ZNF585A: variants seen among roughly 807,000 people sequenced by gnomAD.
ZNF585A encodes the protein zinc finger protein 585A.
In ZNF585A, 9 loss-of-function variants were observed where a neutral mutation model predicts 14.9. The ratio of observed to expected loss-of-function variants is 0.60; its 90% CI spans 0.36 to 1.05. ZNF585A has a LOEUF of 1.05. Ranked by LOEUF, ZNF585A falls within the 50% of genes least tolerant of loss-of-function variation. The pLI, the probability that ZNF585A is intolerant of heterozygous loss-of-function variation, is 0.01. For missense variants in ZNF585A, 726 were observed against 926.4 expected, an observed-to-expected ratio of 0.78 and a Z score of 2.81; for synonymous variants, 276 against 319.9, an observed-to-expected ratio of 0.86 and a Z score of 1.46.
intron 4 of ZNF585A, among the ~76,000 whole-genome samples, chr19:37,154,744 A>G (rs1971895842): frequency 6.6e-6 from 1 of 151,756 alleles, no homozygotes; most frequent in African/African-American, 2.4e-5. Flanking sequence ...TCCTCTGCAG[A>G]AAACAAAAAG....
chr19:37,163,796 T>C (rs1224028576), intron 2 of ZNF585A, among the ~76,000 whole-genome samples: 1 of 151,522 alleles, frequency 6.6e-6, no homozygotes, highest in Non-Finnish European at 1.5e-5. Context: ...CCAAATTACA[T>C]GGAAGACACA....
chr19:37,152,466 C>T lies in ZNF585A; in HGVS notation c.1433G>A (p.Arg478Gln), dbSNP rs148806803. ...CNKCGKAFTN[R>Q]SNLITHQKTH... ...TTTCTGATGTGTAATGAGATTTGAC[C>T]GGTTGGTGAATGCCTTCCCACATTT... Residue 478 changes from arginine to glutamine, a missense_variant, in exon 5 of 5, where the codon CGG (arginine) becomes CAG (glutamine). Arg to Gln is a conservative substitution (Grantham distance 43). This residue lies in a region of ZNF585A where 243 missense variants were observed against 383.6 expected (regional missense o/e 0.63). Transcript: ENST00000292841. 9.0e-4 allele frequency: 1,452 copies of T among 1,613,934 alleles called. 1 individual carries two copies. Among genetic ancestry groups the T allele is most frequent in the Non-Finnish European group, 1.1e-3 (1,324 of 1,180,006 alleles).
At chr19:37,167,399 T>C (rs1972109335) in intron 2 of ZNF585A, among the ~76,000 whole-genome samples, 1 of 151,956 alleles carries the variant, frequency 6.6e-6, no homozygotes, top group African/African-American at 2.4e-5. Context: ...GGTCTCGAAC[T>C]CCTGACCTCA....
At chr19:37,171,963 G>A (rs1446689880) in intron 1 of ZNF585A, among the ~76,000 whole-genome samples, 4 of 148,708 alleles carry the variant, frequency 2.7e-5, no homozygotes, top group Middle Eastern at 3.5e-3. Context: ...AGCAGAAAAA[G>A]AAGGACAAAT....
chr19:37,166,133 C>T (rs1972087207), intron 2 of ZNF585A, among the ~76,000 whole-genome samples: 3 of 152,010 alleles, frequency 2.0e-5, no homozygotes, highest in Admixed American at 6.6e-5. Context: ...CCTGCCTCAG[C>T]CTCCCAAGTA....
chr19:37,151,961 C>T lies in ZNF585A; in HGVS notation c.1938G>A (p.Arg646=), dbSNP rs770426787. 14 of 1,614,018 alleles carry T rather than the reference C, an allele frequency of 8.7e-6. No homozygotes were observed. In the East Asian group the frequency reaches 2.0e-4, roughly 23 times the overall value. Residue 646 remains arginine, a synonymous_variant, in exon 5 of 5, where the codon AGG becomes AGA. Transcript: ENST00000292841. ...TTTTCTGGTGCTTACTGAGATTTGA[C>T]CTGCCACTAAAGGCCTTCCCGCACT... The part of the protein sequence containing the change: ...CAECGKAFSG[R]SNLSKHQKTH...
At chr19:37,153,812 A>G (rs1281757508) in intron 4 of ZNF585A, among the ~76,000 whole-genome samples, 6 of 152,208 alleles carry the variant, frequency 3.9e-5, no homozygotes, top group Admixed American at 2.6e-4. Context: ...CTATCCTTAT[A>G]GTCATATTGC....
At chr19:37,157,755 T>G (rs1347756281) in intron 2 of ZNF585A, among the ~76,000 whole-genome samples, 1 of 152,116 alleles carries the variant, frequency 6.6e-6, no homozygotes, top group Non-Finnish European at 1.5e-5. Flanking sequence ...AAAAGCAGTA[T>G]AGGAAAAACA....
rs906688603 is a variant in ZNF585A, at chr19:37,148,341, A to T, written c.*3248T>A. The T allele has an allele frequency of 1.3e-5, 2 of 152,118 alleles. No individual in the cohort carries two copies. The highest frequency in any genetic ancestry group is 4.8e-5 in the African/African-American group (2 of 41,406). The allele number at this position is 152,118 out of a possible 1,614,324, so 9.4% of individuals were successfully genotyped here. A position where few individuals can be genotyped will look rare whatever the true frequency, so the allele number is the denominator to read the frequency against. Reference sequence around the variant, plus strand: ...AACCATATGGATGAATCTCAGATACATCACATTAAATGAAAGCACTCCGAC... The same window carrying T: ...AACCATATGGATGAATCTCAGATACTTCACATTAAATGAAAGCACTCCGAC... On this transcript the variant is annotated 3_prime_UTR_variant, in exon 5 of 5. Coordinates refer to ENST00000292841, the MANE Select transcript of ZNF585A (RefSeq NM_001288800.2).
In ZNF585A at chr19:37,150,979, C is replaced by T. The variant is rs1388417169; in HGVS notation, c.*610G>A. ...AAGTCTTGGTAGATGACAGTGGGGACTCAACATACATTCTGAGGTTTACGT... is the reference window on the plus strand; with the variant it reads ...AAGTCTTGGTAGATGACAGTGGGGATTCAACATACATTCTGAGGTTTACGT... On this transcript the variant is annotated 3_prime_UTR_variant, in exon 5 of 5. Transcript: ENST00000292841. 6.2e-6 allele frequency: 1 copy of T among 161,204 alleles called. No individual in the cohort carries two copies. Among genetic ancestry groups the T allele is most frequent in the Admixed American group, 6.5e-5 (1 of 15,394 alleles). The allele number at this position is 161,204 out of a possible 1,614,324, so 10.0% of individuals were successfully genotyped here.
At chr19:37,170,482 G>A (rs1196096657) in intron 1 of ZNF585A, among the ~76,000 whole-genome samples, 1 of 152,242 alleles carries the variant, frequency 6.6e-6, no homozygotes, top group African/African-American at 2.4e-5. Context: ...TATGAGAACA[G>A]AAGTTTCTTC....
rs1425558727 is a variant in ZNF585A at position 37,146,763 on chromosome 19, C to G, written c.*4826G>C. The stretch of plus-strand genomic sequence containing the variant: ...CCTGCCCCTTTCCCCCTCTATGTGA[C>G]CTGCCACTGTGACCAGGAGGAGGCT... On this transcript the variant is annotated 3_prime_UTR_variant, in exon 5 of 5. Coordinates refer to ENST00000292841, the MANE Select transcript of ZNF585A (RefSeq NM_001288800.2). 5.9e-5 allele frequency: 9 copies of G among 152,818 alleles called. No individual in the cohort carries two copies. Among genetic ancestry groups the G allele is most frequent in the African/African-American group, 2.2e-4 (9 of 41,510 alleles). The allele number at this position is 152,818 out of a possible 1,614,324, so 9.5% of individuals were successfully genotyped here. A position where few individuals can be genotyped will look rare whatever the true frequency, so the allele number is the denominator to read the frequency against.
intron 2 of ZNF585A, among the ~76,000 whole-genome samples, chr19:37,157,905 T>G (rs1163711275): frequency 1.4e-5 from 2 of 147,414 alleles, no homozygotes; most frequent in Non-Finnish European, 3.0e-5. Flanking sequence ...TTTTTTTTTT[T>G]TAGACAAAAG....
In ZNF585A at chr19:37,156,354, C is replaced by A; in HGVS notation, c.74G>T (p.Gly25Val). The change falls in exon 3 of 5, where the codon GGA (glycine) becomes GTA (valine). Residue 25 changes from glycine to valine, a missense_variant and splice_region_variant. Gly to Val is a moderately radical substitution (Grantham distance 109). This residue lies in a region of ZNF585A where 483 missense variants were observed against 542.8 expected (regional missense o/e 0.89). Coordinates refer to ENST00000292841, the MANE Select transcript of ZNF585A (RefSeq NM_001288800.2). The stretch of plus-strand genomic sequence containing the variant: ...AGCCACATCCCTGAAGGACACTGAT[C>A]CCTGTAAGGGCAAATTCTTGTTCAA... Reference protein sequence around the residue: ...APEDHGSSYEGSVSFRDVAID... With the variant: ...APEDHGSSYEVSVSFRDVAID... 6.2e-7 allele frequency: 1 copy of A among 1,614,110 alleles called. No individual in the cohort carries two copies. The highest frequency in any genetic ancestry group is 8.5e-7 in the Non-Finnish European group (1 of 1,180,010).
rs1027988925 is a variant in ZNF585A at position 37,145,669 on chromosome 19, T to A, written c.*5920A>T. 1 of 152,234 alleles carries A rather than the reference T, an allele frequency of 6.6e-6. No homozygotes were observed. Among genetic ancestry groups the A allele is most frequent in the African/African-American group, 2.4e-5 (1 of 41,460 alleles). 9.4% of individuals were successfully genotyped at this position (152,234 alleles called of 1,614,324 possible). ...ACAATTTTTTGTTTTAATAGCAGCATTCCTTGTTATAATAAATATTAAAAT... is the reference window on the plus strand; with the variant it reads ...ACAATTTTTTGTTTTAATAGCAGCAATCCTTGTTATAATAAATATTAAAAT... On this transcript the variant is annotated 3_prime_UTR_variant, in exon 5 of 5. Transcript: ENST00000292841.
At chr19:37,170,775 T>C (rs959554408) in intron 1 of ZNF585A, among the ~76,000 whole-genome samples, 1 of 152,218 alleles carries the variant, frequency 6.6e-6, no homozygotes, top group Non-Finnish European at 1.5e-5. Context: ...CGCCCAGCCA[T>C]TTCTTCACTT....
At chr19:37,163,890 CCA>C (rs925462379) in intron 2 of ZNF585A, among the ~76,000 whole-genome samples, 6 of 151,114 alleles carry the variant, frequency 4.0e-5, no homozygotes, top group Non-Finnish European at 8.9e-5. Flanking sequence ...ATGCATCTTT[CCA>C]CACACACACA....
intron 2 of ZNF585A, among the ~76,000 whole-genome samples, chr19:37,158,059 C>T (rs112765919): frequency 0.021 from 3,126 of 151,822 alleles, 43 homozygotes; most frequent in Non-Finnish European, 0.029. Context: ...GGCTAATTTT[C>T]GTATTTTTAA....
chr19:37,163,971 C>A (rs1156945149), intron 2 of ZNF585A, among the ~76,000 whole-genome samples: 1 of 152,064 alleles, frequency 6.6e-6, no homozygotes, highest in Non-Finnish European at 1.5e-5. Flanking sequence ...GAGTTGCCAA[C>A]AGAAAAGAAA....
Sources: allele counts gnomAD v4.1 joint callset (sites outside exome capture counted in the v4.1 genomes callset), GRCh38; gene constraint gnomAD v4.1.1; regional missense constraint gnomAD v4.1.1; transcripts MANE v1.5; gene names NCBI Gene and HGNC (gene_info 2026-07-23, HGNC 2026-07-21).